The following LRRTM4 variants were observed in gnomAD, a reference collection of about 807,000 sequenced individuals.
LRRTM4 encodes leucine rich repeat transmembrane neuronal 4, also known as leucine-rich repeat transmembrane neuronal protein 4.
Under a neutral mutation model 47.6 loss-of-function variants are expected in LRRTM4, and 25 were observed. The observed-to-expected ratio is 0.53, with a 90% CI of 0.38 to 0.73. LRRTM4 has a LOEUF of 0.73. LRRTM4 is among the 30% of genes least tolerant of loss of function. The pLI is 0.00. For synonymous variants in LRRTM4, 311 were observed against 269.5 expected (o/e 1.15, Z -1.51); for missense variants, 638 against 713.4 (o/e 0.89, Z 1.20).
At chr2:77,253,657 A>G (rs1298225139) in intron 3 of LRRTM4, among the ~76,000 whole-genome samples, 10 of 152,140 alleles carry the variant, frequency 6.6e-5, no homozygotes, top group Admixed American at 6.6e-4. Context: ...AGCATTTTAA[A>G]TTGTCCAACA....
At chr2:76,781,108 A>G (rs552509330) in intron 3 of LRRTM4, among the ~76,000 whole-genome samples, 4 of 152,350 alleles carry the variant, frequency 2.6e-5, no homozygotes, top group South Asian at 4.1e-4. Flanking sequence ...CAGTCTGCCC[A>G]TTCTCAGATC....
chr2:77,246,523 T>C (rs1355480888), intron 3 of LRRTM4, among the ~76,000 whole-genome samples: 1 of 152,130 alleles, frequency 6.6e-6, no homozygotes, highest in Non-Finnish European at 1.5e-5. Context: ...TGAAACATAA[T>C]TTAAATGCTC....
At chr2:76,912,306 C>T (rs904912422) in intron 3 of LRRTM4, among the ~76,000 whole-genome samples, 2 of 152,170 alleles carry the variant, frequency 1.3e-5, no homozygotes, top group African/African-American at 2.4e-5. Flanking sequence ...TACCAAGACT[C>T]ATTTCATGTT....
intron 3 of LRRTM4, among the ~76,000 whole-genome samples, chr2:77,091,999 T>A (rs1670658382): frequency 6.6e-6 from 1 of 151,764 alleles, no homozygotes; most frequent in Non-Finnish European, 1.5e-5. Context: ...CCTTACTGTT[T>A]TAGCCCAGCC....
In LRRTM4 at chr2:77,521,724, T is replaced by A; in HGVS notation, c.-53A>T. ...CTCTCTCAGCTTTCTTCTTATTTGGTCTCTTGTGCGGAAACCACCACCACC... is the reference window on the plus strand; with the variant it reads ...CTCTCTCAGCTTTCTTCTTATTTGGACTCTTGTGCGGAAACCACCACCACC... On this transcript the variant is annotated 5_prime_UTR_variant, in exon 2 of 4. Transcript: ENST00000409884. 6.2e-7 allele frequency: 1 copy of A among 1,608,878 alleles called. No individual in the cohort carries two copies. Among genetic ancestry groups the A allele is most frequent in the East Asian group, 2.2e-5 (1 of 44,750 alleles).
At chr2:77,131,578 C>T (rs1157287877) in intron 3 of LRRTM4, among the ~76,000 whole-genome samples, 25 of 152,050 alleles carry the variant, frequency 1.6e-4, no homozygotes, top group Admixed American at 1.6e-3. Flanking sequence ...TAATATATTG[C>T]ATAGGAAGGT....
At chr2:76,766,322 A>G (rs1241972018) in intron 3 of LRRTM4, among the ~76,000 whole-genome samples, 4 of 152,172 alleles carry the variant, frequency 2.6e-5, no homozygotes, top group African/African-American at 9.7e-5. Flanking sequence ...TTTAGGCTCT[A>G]TTTCTCATGG....
At chr2:77,489,387 T>C (rs1476634573) in intron 3 of LRRTM4, among the ~76,000 whole-genome samples, 1 of 152,218 alleles carries the variant, frequency 6.6e-6, no homozygotes, top group African/African-American at 2.4e-5. Context: ...TCTACTGATA[T>C]TCAAAATATT....
At chr2:77,249,844 A>G (rs1675554985) in intron 3 of LRRTM4, among the ~76,000 whole-genome samples, 2 of 152,250 alleles carry the variant, frequency 1.3e-5, no homozygotes, top group African/African-American at 4.8e-5. Context: ...TGTAAAACTT[A>G]CATCCACAGA....
intron 3 of LRRTM4, among the ~76,000 whole-genome samples, chr2:77,278,549 T>A (rs1676427129): frequency 1.3e-5 from 2 of 151,598 alleles, no homozygotes; most frequent in Admixed American, 6.6e-5. Context: ...AAAAAAAAAA[T>A]TCCCAAAACT....
At chr2:77,223,474 C>CA (rs1674706302) in intron 3 of LRRTM4, among the ~76,000 whole-genome samples, 1 of 152,120 alleles carries the variant, frequency 6.6e-6, no homozygotes, top group South Asian at 2.1e-4. Context: ...TGTCTCAGCC[C>CA]AAAATCTCCT....
chr2:77,153,905 T>A (rs1672492444), intron 3 of LRRTM4, among the ~76,000 whole-genome samples: 1 of 152,210 alleles, frequency 6.6e-6, no homozygotes, highest in Admixed American at 6.5e-5. Flanking sequence ...TGGTCCATAG[T>A]TGACATCTAA....
intron 3 of LRRTM4, among the ~76,000 whole-genome samples, chr2:76,972,418 T>G (rs1384285829): frequency 4.2e-4 from 58 of 138,628 alleles, no homozygotes; most frequent in African/African-American, 1.5e-3. Context: ...AACACTTTTT[T>G]TTTTTTTTTT....
intron 3 of LRRTM4, among the ~76,000 whole-genome samples, chr2:77,477,959 G>GAA (rs1553449114): frequency 3.2e-4 from 37 of 115,670 alleles, no homozygotes; most frequent in African/African-American, 1.1e-3. Flanking sequence ...AAGAAAGAAA[G>GAA]AAAGAAAGAA....
At chr2:76,975,477 AG>A (rs1355028518) in intron 3 of LRRTM4, among the ~76,000 whole-genome samples, 4 of 151,624 alleles carry the variant, frequency 2.6e-5, no homozygotes, top group Admixed American at 2.0e-4. Flanking sequence ...TTTACAGAAA[AG>A]ATAAACAACT....
At chr2:77,445,997 G>T (rs1475438699) in intron 3 of LRRTM4, among the ~76,000 whole-genome samples, 1 of 151,948 alleles carries the variant, frequency 6.6e-6, no homozygotes, top group African/African-American at 2.4e-5. Flanking sequence ...TAATCATAAT[G>T]CAAAAAATAT....
At chr2:77,005,672 C>T (rs1046122376) in intron 3 of LRRTM4, among the ~76,000 whole-genome samples, 1 of 152,120 alleles carries the variant, frequency 6.6e-6, no homozygotes, top group East Asian at 1.9e-4. Context: ...AAAGGGAGTT[C>T]CCCTGCACAT....
At chr2:77,211,911 A>G (rs948638464) in intron 3 of LRRTM4, among the ~76,000 whole-genome samples, 1 of 152,056 alleles carries the variant, frequency 6.6e-6, no homozygotes, top group African/African-American at 2.4e-5. Flanking sequence ...ACTGTGTACT[A>G]TATTCTTTAT....
intron 3 of LRRTM4, among the ~76,000 whole-genome samples, chr2:76,934,392 G>T (rs958885769): frequency 1.3e-5 from 2 of 152,092 alleles, no homozygotes; most frequent in African/African-American, 4.8e-5. Context: ...TCGTATATAT[G>T]ACAGTAATGT....
Sources: allele counts gnomAD v4.1 joint callset (sites outside exome capture counted in the v4.1 genomes callset), GRCh38; gene constraint gnomAD v4.1.1; transcripts MANE v1.5; gene names NCBI Gene and HGNC (gene_info 2026-07-23, HGNC 2026-07-21).